The following ARHGAP35 variants were observed in gnomAD, a reference collection of about 807,000 sequenced individuals.
ARHGAP35 encodes rho GTPase-activating protein 35.
A neutral mutation model predicts 111.1 loss-of-function variants in ARHGAP35; 15 were observed. That is an observed-to-expected ratio of 0.13 (90% confidence interval 0.09 to 0.21). The LOEUF is 0.21. Ranked by LOEUF, ARHGAP35 falls within the 10% of genes least tolerant of loss-of-function variation. ARHGAP35 has a pLI of 1.00. For missense variants in ARHGAP35, 1,262 were observed against 1,873.0 expected (o/e 0.67, Z 6.02); for synonymous variants, 643 against 710.3 (o/e 0.91, Z 1.51).
At position 47,003,913 on chromosome 19, in the gene ARHGAP35, G is replaced by GACAC. The variant is rs375875258; in HGVS notation, c.*3226_*3229dup. On this transcript the variant is annotated 3_prime_UTR_variant, in exon 7 of 7. Coordinates refer to ENST00000672722, the MANE Select transcript of ARHGAP35 (RefSeq NM_004491.5). ...CCCCCGCAGGCCACCAGGCATTCTG[G>GACAC]ACACGCACACACACACACACACACA... is the stretch of plus-strand genomic sequence containing the variant. 7,422 of 120,310 alleles carry GACAC rather than the reference G, an allele frequency of 0.062. 244 individuals are homozygous for GACAC. Among genetic ancestry groups the GACAC allele is most frequent in the Middle Eastern group, 0.1 (21 of 204 alleles). The allele number at this position is 120,310 out of a possible 1,614,324, so 7.5% of individuals were successfully genotyped here.
chr19:46,955,195 A>T (rs763040401), intron 3 of ARHGAP35, among the ~76,000 whole-genome samples: 1 of 152,204 alleles, frequency 6.6e-6, no homozygotes, highest in Non-Finnish European at 1.5e-5. Flanking sequence ...CTTGATTCTA[A>T]GCCGCCCCCG....
chr19:46,971,267 G>A (rs1282567212), intron 3 of ARHGAP35, among the ~76,000 whole-genome samples: 4 of 151,932 alleles, frequency 2.6e-5, no homozygotes, highest in East Asian at 2.0e-4. Flanking sequence ...TTAGCCGGGC[G>A]TGGTGGCGTG....
At chr19:46,906,185 A>G (rs2056106841) in intron 1 of ARHGAP35, among the ~76,000 whole-genome samples, 1 of 151,936 alleles carries the variant, frequency 6.6e-6, no homozygotes, top group South Asian at 2.1e-4. Context: ...TTAGGCGGGC[A>G]TGGTGGCCCA....
chr19:46,866,692 C>T (rs1236596038), intron 1 of ARHGAP35, among the ~76,000 whole-genome samples: 3 of 152,200 alleles, frequency 2.0e-5, no homozygotes, highest in Non-Finnish European at 4.4e-5. Context: ...AACCCAGAGT[C>T]TGTGTAGGGG....
intron 3 of ARHGAP35, among the ~76,000 whole-genome samples, chr19:46,977,299 C>T (rs984572402): frequency 2.6e-5 from 4 of 152,114 alleles, no homozygotes; most frequent in African/African-American, 9.7e-5. Flanking sequence ...GTGAAGTTAC[C>T]GGGAAGAAGG....
intron 1 of ARHGAP35, among the ~76,000 whole-genome samples, chr19:46,888,312 AT>A (rs1568461138): frequency 6.6e-4 from 41 of 62,448 alleles, no homozygotes; most frequent in African/African-American, 1.6e-3. Flanking sequence ...ATATATATAT[AT>A]ATATAAAATA....
intron 1 of ARHGAP35, among the ~76,000 whole-genome samples, chr19:46,888,510 A>G (rs1379943677): frequency 4.0e-5 from 6 of 150,250 alleles, no homozygotes; most frequent in African/African-American, 1.5e-4. Context: ...CCAGGGAGAC[A>G]AACTCAGCAC....
At position 46,922,420 on chromosome 19, in the gene ARHGAP35, T is replaced by C. The variant is rs2056208882; in HGVS notation, c.3681+64T>C. The C allele has an allele frequency of 7.1e-7, 1 of 1,400,686 alleles. No individual in the cohort carries two copies. Among genetic ancestry groups the C allele is most frequent in the East Asian group, 2.5e-5 (1 of 40,052 alleles). The allele number at this position is 1,400,686 out of a possible 1,614,324, so 86.8% of individuals were successfully genotyped here. A position where few individuals can be genotyped will look rare whatever the true frequency, so the allele number is the denominator to read the frequency against. On this transcript the variant is annotated intron_variant, in intron 2 of 6. Coordinates refer to ENST00000672722, the MANE Select transcript of ARHGAP35 (RefSeq NM_004491.5). This position sits in a 1 kb window ranked among gnomAD's most constrained non-coding sequence, Gnocchi z 4.0. Reference sequence around the variant, plus strand: ...CAGCGTCTCGGTGAGGGTTGATTGATGATGATTTTTCAAGGACAACCTATT... The same window carrying C: ...CAGCGTCTCGGTGAGGGTTGATTGACGATGATTTTTCAAGGACAACCTATT...
Position 46,989,808 on chromosome 19 carries a change from C to T in ARHGAP35, c.4036+133C>T. 1 of 1,429,856 alleles carries T rather than the reference C, an allele frequency of 7.0e-7. No homozygotes were observed. Among genetic ancestry groups the T allele is most frequent in the Non-Finnish European group, 9.5e-7 (1 of 1,049,348 alleles). 88.6% of individuals were successfully genotyped at this position (1,429,856 alleles called of 1,614,324 possible). A position where few individuals can be genotyped will look rare whatever the true frequency, so the allele number is the denominator to read the frequency against. ...GAAGGACAGAGGGCAAGGGAATTAACCAGATGACAGCAATGGGACTTGCAA... is the reference window on the plus strand; with the variant it reads ...GAAGGACAGAGGGCAAGGGAATTAATCAGATGACAGCAATGGGACTTGCAA... On this transcript the variant is annotated intron_variant, in intron 5 of 6. Coordinates refer to ENST00000672722, the MANE Select transcript of ARHGAP35 (RefSeq NM_004491.5). This position sits in a 1 kb window ranked among gnomAD's most constrained non-coding sequence, Gnocchi z 5.3.
chr19:46,961,968 GAA>G (rs1198420226), intron 3 of ARHGAP35, among the ~76,000 whole-genome samples: 1 of 149,400 alleles, frequency 6.7e-6, no homozygotes, highest in Non-Finnish European at 1.5e-5. Flanking sequence ...GAGAGAAAGA[GAA>G]AGAGAGAAAG....
At chr19:46,904,987 C>G (rs920904517) in intron 1 of ARHGAP35, among the ~76,000 whole-genome samples, 2 of 152,154 alleles carry the variant, frequency 1.3e-5, no homozygotes, top group Admixed American at 6.5e-5. Context: ...GACCTGGGTT[C>G]TGGACTGGGG....
At chr19:46,905,558 C>G (rs170164) in intron 1 of ARHGAP35, among the ~76,000 whole-genome samples, 76,330 of 143,000 alleles carry the variant, frequency 0.53, 21,120 homozygotes, top group Middle Eastern at 0.71. Context: ...GTATTCCACC[C>G]CCCCCCCCCA....
At chr19:46,894,360 C>T (rs1351204798) in intron 1 of ARHGAP35, among the ~76,000 whole-genome samples, 1 of 151,422 alleles carries the variant, frequency 6.6e-6, no homozygotes, top group Non-Finnish European at 1.5e-5. Flanking sequence ...CACTTTATGA[C>T]TCATTCCTTG....
intron 1 of ARHGAP35, among the ~76,000 whole-genome samples, chr19:46,892,123 TAA>T (rs1178888092): frequency 1.2e-3 from 63 of 53,886 alleles, no homozygotes; most frequent in African/African-American, 4.0e-3. Context: ...CTGTCTCTAC[TAA>T]AAAAAAAAAA....
At chr19:46,923,098 GTC>G (rs1268098346) in intron 2 of ARHGAP35, among the ~76,000 whole-genome samples, 35 of 145,016 alleles carry the variant, frequency 2.4e-4, no homozygotes, top group African/African-American at 8.0e-4. Context: ...AGCAAATGAA[GTC>G]TCTTTTTTTT....
In ARHGAP35 at chr19:46,908,674, G is replaced by A. The variant is rs1045005534; in HGVS notation, c.-188-9814G>A. Reference sequence around the variant, plus strand: ...TTAAGGAAGTACTTTGGCTAAAAGCGGCTCCCTTTATTCATCAGGGGAATT... The same window carrying A: ...TTAAGGAAGTACTTTGGCTAAAAGCAGCTCCCTTTATTCATCAGGGGAATT... On this transcript the variant is annotated intron_variant, in intron 1 of 6. Coordinates refer to ENST00000672722, the MANE Select transcript of ARHGAP35 (RefSeq NM_004491.5). This position sits in a 1 kb window ranked among gnomAD's most constrained non-coding sequence, Gnocchi z 4.2. Among the ~76,000 whole-genome samples the A allele has an allele frequency of 2.6e-5, 4 of 152,162 alleles. No homozygotes were observed. The highest frequency in any genetic ancestry group is 2.9e-5 in the Non-Finnish European group (2 of 68,036).
chr19:46,940,847 C>T (rs1304111725), intron 3 of ARHGAP35, among the ~76,000 whole-genome samples: 2 of 152,164 alleles, frequency 1.3e-5, no homozygotes, highest in African/African-American at 4.8e-5. Context: ...TGCCTTTGCT[C>T]TGTCCCCTCC....
At chr19:46,875,539 C>CCT (rs2055913945) in intron 1 of ARHGAP35, among the ~76,000 whole-genome samples, 2 of 152,156 alleles carry the variant, frequency 1.3e-5, no homozygotes, top group Non-Finnish European at 2.9e-5. Flanking sequence ...TGTTAGTTTT[C>CCT]ATTTGCATCT....
At chr19:46,972,974 C>A (rs540735704) in intron 3 of ARHGAP35, among the ~76,000 whole-genome samples, 35 of 152,332 alleles carry the variant, frequency 2.3e-4, no homozygotes, top group African/African-American at 8.4e-4. Flanking sequence ...CAACCCTGTT[C>A]CCCTGCACTG....
Sources: allele counts gnomAD v4.1 joint callset (sites outside exome capture counted in the v4.1 genomes callset), GRCh38; gene constraint gnomAD v4.1.1; non-coding constraint Gnocchi (gnomAD v3.1); transcripts MANE v1.5; gene names NCBI Gene and HGNC (gene_info 2026-07-23, HGNC 2026-07-21).